PNPLA7: variants seen among roughly 807,000 people sequenced by gnomAD.
PNPLA7 encodes patatin-like phospholipase domain-containing protein 7.
A neutral mutation model predicts 161.7 loss-of-function variants in PNPLA7; 153 were observed. The observed-to-expected ratio is 0.95, with a 90% CI of 0.83 to 1.08. PNPLA7 has a LOEUF of 1.08. Ranked by LOEUF, PNPLA7 falls within the 50% of genes least tolerant of loss-of-function variation. The probability of loss-of-function intolerance (pLI) is 0.00; values close to 1 mark genes in which losing one functional copy is unlikely to be tolerated. For synonymous variants in PNPLA7, 809 were observed against 782.1 expected, an observed-to-expected ratio of 1.03 and a Z score of -0.57; for missense variants, 1,739 against 1,856.6, an observed-to-expected ratio of 0.94 and a Z score of 1.16.
chr9:137,518,015 C>T (rs960685984), intron 11 of PNPLA7, among the ~76,000 whole-genome samples: 1 of 124,134 alleles, frequency 8.1e-6, no homozygotes, highest in Non-Finnish European at 1.7e-5. Context: ...CTCCATCCCC[C>T]ACTCACTCAC....
intron 23 of PNPLA7, 152 bp downstream of exon 23, chr9:137,480,160 G>T: frequency 8.2e-7 from 1 of 1,213,970 alleles, no homozygotes; most frequent in Non-Finnish European, 1.1e-6. Flanking sequence ...ACAGCACCGT[G>T]TTTTTAAAAC....
intron 11 of PNPLA7, among the ~76,000 whole-genome samples, chr9:137,518,090 C>G (rs1588663212): frequency 9.9e-6 from 1 of 100,968 alleles, no homozygotes; most frequent in Non-Finnish European, 1.9e-5. Flanking sequence ...CCCCGTCACT[C>G]ACTCCACTCT....
intron 22 of PNPLA7, 131 bp downstream of exon 22, chr9:137,480,829 G>T: frequency 9.7e-7 from 1 of 1,029,742 alleles, no homozygotes; most frequent in Non-Finnish European, 1.4e-6. Context: ...CACGTCATCA[G>T]CCCTCACACC....
Position 137,460,055 on chromosome 9 carries a change from G to T in PNPLA7, c.*338C>A. 3.4e-6 allele frequency: 1 copy of T among 292,266 alleles called. No homozygotes were observed. 18.1% of individuals were successfully genotyped at this position (292,266 alleles called of 1,614,324 possible). A position where few individuals can be genotyped will look rare whatever the true frequency, so the allele number is the denominator to read the frequency against. On this transcript the variant is annotated 3_prime_UTR_variant, in exon 35 of 35. Coordinates refer to ENST00000406427, the MANE Select transcript of PNPLA7 (RefSeq NM_001098537.3). ...CACAGGACAGCAGGCAGTTCACAGGGCTTTGGGGGCCTCACAGGGCAGCAG... is the reference window on the plus strand; with the variant it reads ...CACAGGACAGCAGGCAGTTCACAGGTCTTTGGGGGCCTCACAGGGCAGCAG...
chr9:137,525,827 C>T (rs1185145308), intron 8 of PNPLA7, among the ~76,000 whole-genome samples: 1 of 149,818 alleles, frequency 6.7e-6, no homozygotes, highest in Non-Finnish European at 1.5e-5. Context: ...GACTCCCTTT[C>T]CTGGTCTGCT....
At chr9:137,516,661 A>G (rs1227371346) in intron 11 of PNPLA7, 2 of 348,750 alleles carry the variant, frequency 5.7e-6, no homozygotes, top group Non-Finnish European at 8.1e-6. Flanking sequence ...TTTAAAAATA[A>G]AAGTAAATGA....
chr9:137,512,305 G>C (rs1371561903), intron 12 of PNPLA7, among the ~76,000 whole-genome samples: 1 of 152,286 alleles, frequency 6.6e-6, no homozygotes, highest in Non-Finnish European at 1.5e-5. Context: ...AAGGTGGGGA[G>C]GCTTCTCCAC....
rs538435305 is a variant in PNPLA7 at position 137,500,186 on chromosome 9, T to G, written c.1757+505A>C. On this transcript the variant is annotated intron_variant, in intron 16 of 34. Transcript: ENST00000406427. This position sits in a 1 kb window ranked among gnomAD's most constrained non-coding sequence, Gnocchi z 5.5. The stretch of plus-strand genomic sequence containing the variant: ...CCTGGAAGGCGACACGGGCACATTC[T>G]GCCCCAAGAAGGGACACACGTCAGT... 6.6e-6 allele frequency among the ~76,000 whole-genome samples: 1 copy of G among 152,364 alleles called. No individual in the cohort carries two copies. The highest frequency in any genetic ancestry group is 1.9e-4 in the East Asian group (1 of 5,184).
chr9:137,543,913 T>G lies in PNPLA7; in HGVS notation c.274-98A>C. ...AGTCCTCAGGACCTGCCTGTGGGCC[T>G]CCCACAGTCCCAGCTTCAGCTCCTG... On this transcript the variant is annotated intron_variant, in intron 4 of 34. Coordinates refer to ENST00000406427, the MANE Select transcript of PNPLA7 (RefSeq NM_001098537.3). This position sits in a 1 kb window ranked among gnomAD's most constrained non-coding sequence, Gnocchi z 6.9. 1.1e-6 allele frequency: 1 copy of G among 945,038 alleles called. No homozygotes were observed. Among genetic ancestry groups the G allele is most frequent in the African/African-American group, 1.6e-5 (1 of 61,762 alleles). 58.5% of individuals were successfully genotyped at this position (945,038 alleles called of 1,614,324 possible).
At chr9:137,497,431 A>G in intron 17 of PNPLA7, 121 bp from the exon 18 acceptor site, 1 of 1,012,542 alleles carries the variant, frequency 9.9e-7, no homozygotes. Flanking sequence ...TCACTATCTT[A>G]TTTTTGTTTT....
At position 137,550,392 on chromosome 9, in the gene PNPLA7, G is replaced by C; in HGVS notation, c.-195C>G. 1 of 656,042 alleles carries C rather than the reference G, an allele frequency of 1.5e-6. No homozygotes were observed. Among genetic ancestry groups the C allele is most frequent in the Non-Finnish European group, 2.7e-6 (1 of 370,148 alleles). 40.6% of individuals were successfully genotyped at this position (656,042 alleles called of 1,614,324 possible). On this transcript the variant is annotated 5_prime_UTR_variant, in exon 1 of 35. Coordinates refer to ENST00000406427, the MANE Select transcript of PNPLA7 (RefSeq NM_001098537.3). ...GAAGAAAAGCTGTCTTTTGAGAAGT[G>C]TCTGTCATCTGCTAGGAGCCACCTC...
chr9:137,536,333 T>C (rs1835887723), intron 8 of PNPLA7, among the ~76,000 whole-genome samples: 2 of 151,550 alleles, frequency 1.3e-5, no homozygotes, highest in South Asian at 2.1e-4. Context: ...AAGAGCCCTG[T>C]GTAGGGGAAG....
chr9:137,473,850 G>C (rs1033769350), intron 25 of PNPLA7, among the ~76,000 whole-genome samples: 9 of 152,182 alleles, frequency 5.9e-5, no homozygotes, highest in Non-Finnish European at 1.2e-4. Flanking sequence ...CATTGCTGGT[G>C]GGAGTGTAAA....
At chr9:137,522,436 C>A (rs573718666) in intron 9 of PNPLA7, among the ~76,000 whole-genome samples, 2 of 152,158 alleles carry the variant, frequency 1.3e-5, no homozygotes, top group Admixed American at 1.3e-4. Flanking sequence ...GTGATCCGCC[C>A]GCCTCGGCCT....
In PNPLA7 at chr9:137,546,969, A is replaced by G. The variant is rs1303248024; in HGVS notation, c.194-60T>C. ...CCGTGGCACAGGCCTGGTCCTGGAC[A>G]TGCAGGTGCAGCACAGTCAGTCATA... On this transcript the variant is annotated intron_variant, in intron 3 of 34. Transcript: ENST00000406427. The G allele has an allele frequency of 2.7e-6, 4 of 1,501,424 alleles. No homozygotes were observed. In the African/African-American group the frequency reaches 4.1e-5, roughly 16 times the overall value. 93.0% of individuals were successfully genotyped at this position (1,501,424 alleles called of 1,614,324 possible).
In PNPLA7 at chr9:137,522,798, G is replaced by T. The variant is rs572889850; in HGVS notation, c.807C>A (p.Leu269=). The change falls in exon 9 of 35, where the codon CTC becomes CTA. Residue 269 remains leucine (L), a synonymous_variant. Coordinates refer to ENST00000406427, the MANE Select transcript of PNPLA7 (RefSeq NM_001098537.3). ...SVRAAIPSTI[L]RLPAAAFHGV... ...CATGAAAAGCCGCAGCTGGAAGCCGGAGGATGGTGGACGGGATGGCCGCGC... is the reference window on the plus strand; with the variant it reads ...CATGAAAAGCCGCAGCTGGAAGCCGTAGGATGGTGGACGGGATGGCCGCGC... The T allele has an allele frequency of 6.2e-7, 1 of 1,613,892 alleles. No homozygotes were observed. Among genetic ancestry groups the T allele is most frequent in the Admixed American group, 1.7e-5 (1 of 60,028 alleles).
chr9:137,464,558 T>A (rs1032834831), intron 26 of PNPLA7, 102 bp from the exon 27 acceptor site: 29 of 1,063,050 alleles, frequency 2.7e-5, no homozygotes, highest in Non-Finnish European at 3.9e-5. Context: ...GGAACGGGGG[T>A]CCAGAGTGTC....
Position 137,547,638 on chromosome 9 carries a change from C to T in PNPLA7, c.52G>A (p.Ala18Thr), listed in dbSNP as rs201390415. 2.2e-5 allele frequency: 36 copies of T among 1,613,048 alleles called. No homozygotes were observed. The Middle Eastern group carries it at 4.9e-4, about 22-fold the overall frequency. ...AACCACAGTCCCCAAGAGTGCAGGG[C>T]GGTGCCCAGGCAGAAGTCAGCCTGC... The part of the protein sequence containing the change: ...SPQADFCLGT[A>T]LHSWGLWFTE... The change falls in exon 2 of 35, where the codon GCC (alanine) becomes ACC (threonine). Residue 18 changes from alanine (A) to threonine (T), a missense_variant. Physicochemically the swap from Ala to Thr is moderately conservative, Grantham distance 58. This residue lies in a region of PNPLA7 where 209 missense variants were observed against 252.8 expected (regional missense o/e 0.83). Transcript: ENST00000406427. The surrounding 1 kb of genome is among the most constrained non-coding windows in gnomAD (Gnocchi z 4.6).
chr9:137,475,872 A>G (rs1240267763), intron 25 of PNPLA7, among the ~76,000 whole-genome samples: 2 of 152,230 alleles, frequency 1.3e-5, no homozygotes. Flanking sequence ...TCACTGAAGT[A>G]TGGGAATAGA....
Sources: gnomAD v4.1 joint callset for allele counts (sites outside exome capture counted in the v4.1 genomes callset) on GRCh38, gnomAD v4.1.1 for gene constraint, gnomAD v4.1.1 regional missense constraint, Gnocchi (gnomAD v3.1) non-coding constraint, MANE v1.5 for transcripts, NCBI Gene and HGNC (gene_info 2026-07-23, HGNC 2026-07-21) for gene names.